The following MME variants were observed in gnomAD, a reference collection of about 807,000 sequenced individuals.
MME encodes the protein membrane metalloendopeptidase.
In MME, 98 loss-of-function variants were observed where a neutral mutation model predicts 113.2. The observed-to-expected ratio is 0.87, with a 90% CI of 0.74 to 1.02. The LOEUF (loss-of-function observed/expected upper bound fraction) is 1.02. MME is among the 50% of genes least tolerant of loss of function. MME has a pLI of 0.00. For missense variants in MME, 836 were observed against 896.0 expected, an observed-to-expected ratio of 0.93 and a Z score of 0.86; for synonymous variants, 292 against 300.6, an observed-to-expected ratio of 0.97 and a Z score of 0.30.
intron 8 of MME, among the ~76,000 whole-genome samples, chr3:155,125,125 G>C (rs1260043874): frequency 1.2e-5 from 1 of 82,258 alleles, no homozygotes; most frequent in African/African-American, 4.0e-5. Context: ...CTCGTGGTGC[G>C]CCGTTTTTAA....
chr3:155,059,419 A>G (rs994015451), intron 1 of MME, among the ~76,000 whole-genome samples: 10 of 151,754 alleles, frequency 6.6e-5, no homozygotes, highest in Admixed American at 5.9e-4. Flanking sequence ...AGAAATTTCA[A>G]TCTATTTATT....
Position 155,085,062 on chromosome 3 carries a change from G to A in MME, c.164G>A (p.Gly55Asp). Reference sequence around the variant, plus strand: ...GTATATTCTCTCCTTTTTCTAGATGGTATTTGCAAGTCATCAGACTGCATA... The same window carrying A: ...GTATATTCTCTCCTTTTTCTAGATGATATTTGCAAGTCATCAGACTGCATA... ...MIALYATYDD[G>D]ICKSSDCIKS... The change falls in exon 3 of 23, where the codon GGT becomes GAT. Residue 55 changes from glycine to aspartate, a missense_variant. Coordinates refer to ENST00000360490, the MANE Select transcript of MME (RefSeq NM_007289.4). 14 of 1,586,050 alleles carry A rather than the reference G, an allele frequency of 8.8e-6. No homozygotes were observed. Among genetic ancestry groups the A allele is most frequent in the Non-Finnish European group, 1.1e-5 (13 of 1,159,290 alleles).
intron 1 of MME, chr3:155,081,508 G>A (rs944947088): frequency 2.0e-5 from 3 of 151,918 alleles, no homozygotes; most frequent in African/African-American, 7.3e-5. Context: ...CCACTTTTCC[G>A]TTTAAACTTT....
At chr3:155,131,806 T>C (rs999245824) in intron 8 of MME, among the ~76,000 whole-genome samples, 1 of 152,158 alleles carries the variant, frequency 6.6e-6, no homozygotes, top group Non-Finnish European at 1.5e-5. Flanking sequence ...TGCAGTCTGT[T>C]GGAGGGAAGC....
intron 3 of MME, among the ~76,000 whole-genome samples, chr3:155,086,172 A>G (rs968398230): frequency 6.6e-6 from 1 of 152,150 alleles, no homozygotes; most frequent in African/African-American, 2.4e-5. Flanking sequence ...TGGTGAGAGA[A>G]GAGTACTATT....
chr3:155,099,565 T>G (rs879585808), intron 3 of MME, among the ~76,000 whole-genome samples: 3 of 152,296 alleles, frequency 2.0e-5, no homozygotes, highest in Non-Finnish European at 4.4e-5. Context: ...TCTCTGTTCT[T>G]GATGCTTAAG....
At chr3:155,044,202 A>G (rs947199506) in intron 1 of MME, among the ~76,000 whole-genome samples, 3 of 131,498 alleles carry the variant, frequency 2.3e-5, no homozygotes, top group African/African-American at 8.7e-5. Context: ...GTGCAATTTC[A>G]GGTCACTGCA....
intron 16 of MME, among the ~76,000 whole-genome samples, chr3:155,148,937 T>G (rs1721724147): frequency 6.6e-6 from 1 of 152,130 alleles, no homozygotes; most frequent in South Asian, 2.1e-4. Flanking sequence ...TGAACAAGAT[T>G]CTCAAAAACC....
At position 155,071,752 on chromosome 3, in the gene MME, T is replaced by C. The variant is rs1036954342; in HGVS notation, c.-10-12406T>C. On this transcript the variant is annotated intron_variant, in intron 1 of 22. Coordinates refer to the MME transcript ENST00000492661. ...TTGCCTGATACTGTAGGAGTCATTC[T>C]GGATTCTTTCTACTTTACTTTCAAT... 1.2e-4 allele frequency among the ~76,000 whole-genome samples: 19 copies of C among 152,252 alleles called. 1 individual carries two copies. The highest frequency in any genetic ancestry group is 6.3e-3 in the Middle Eastern group (2 of 316).
At chr3:155,108,570 T>G (rs1347622013) in intron 3 of MME, among the ~76,000 whole-genome samples, 2 of 148,974 alleles carry the variant, frequency 1.3e-5, no homozygotes, top group African/African-American at 2.5e-5. Flanking sequence ...CACTGCAGCC[T>G]GGGGGACAAG....
chr3:155,148,656 G>A lies in MME; in HGVS notation c.1601+3G>A. On this transcript the variant is annotated splice_donor_region_variant and intron_variant, in intron 16 of 22. Transcript: ENST00000360490. ...CGAGAAAAGGTGGACAAAGATGAGTGCGTATATTCTCATTTCTAATGTGAT... is the reference window on the plus strand; with the variant it reads ...CGAGAAAAGGTGGACAAAGATGAGTACGTATATTCTCATTTCTAATGTGAT... 1.3e-6 allele frequency: 2 copies of A among 1,597,880 alleles called. No individual in the cohort carries two copies. Among genetic ancestry groups the A allele is most frequent in the Admixed American group, 1.7e-5 (1 of 59,942 alleles).
chr3:155,116,853 C>A lies in MME; in HGVS notation c.536-15C>A. 2 of 1,569,904 alleles carry A rather than the reference C, an allele frequency of 1.3e-6. No homozygotes were observed. The highest frequency in any genetic ancestry group is 1.1e-5 in the South Asian group (1 of 89,970). On this transcript the variant is annotated splice_polypyrimidine_tract_variant and intron_variant, in intron 6 of 22. Coordinates refer to ENST00000360490, the MANE Select transcript of MME (RefSeq NM_007289.4). ...TAAAGCTTCTAAAGATATATTTTAT[C>A]TTTTATTGCTTTAGGTGCTTCTTGG...
intron 1 of MME, among the ~76,000 whole-genome samples, chr3:155,042,915 T>TATATATATATAC (rs1576666078): frequency 2.2e-5 from 1 of 45,384 alleles, no homozygotes; most frequent in East Asian, 6.8e-4. Context: ...TATATATATA[T>TATATATATATAC]ATATATATAT....
chr3:155,143,348 A>T lies in MME; in HGVS notation c.1189-95A>T, dbSNP rs533632383. 1.2e-5 allele frequency: 17 copies of T among 1,427,100 alleles called. No individual in the cohort carries two copies. In the African/African-American group the frequency reaches 2.4e-4, roughly 20 times the overall value. 88.4% of individuals were successfully genotyped at this position (1,427,100 alleles called of 1,614,324 possible). On this transcript the variant is annotated intron_variant, in intron 12 of 22. Transcript: ENST00000360490. ...TGTGAGGAGAAGTGATGAATATTTCAAGAACTTAGATGAGACATTTGTGAA... is the reference window on the plus strand; with the variant it reads ...TGTGAGGAGAAGTGATGAATATTTCTAGAACTTAGATGAGACATTTGTGAA...
chr3:155,091,897 G>A (rs528032218), intron 3 of MME, among the ~76,000 whole-genome samples: 4 of 152,166 alleles, frequency 2.6e-5, no homozygotes, highest in African/African-American at 4.8e-5. Flanking sequence ...ACTAGAATAC[G>A]TTCTTTCTGT....
chr3:155,117,005 T>C lies in MME; in HGVS notation c.654+19T>C. 3 of 1,277,946 alleles carry C rather than the reference T, an allele frequency of 2.3e-6. No individual in the cohort carries two copies. Among genetic ancestry groups the C allele is most frequent in the Non-Finnish European group, 3.4e-6 (3 of 875,096 alleles). 79.2% of individuals were successfully genotyped at this position (1,277,946 alleles called of 1,614,324 possible). On this transcript the variant is annotated intron_variant, in intron 7 of 22. Transcript: ENST00000360490. ...AATTCATGTAAGTTTGTGTGTCAAA[T>C]AACTAAAGTTACCTTTAAATTGTAA...
At chr3:155,170,963 A>C in intron 20 of MME, among the ~76,000 whole-genome samples, 1 of 152,122 alleles carries the variant, frequency 6.6e-6, no homozygotes. Flanking sequence ...TTTGTTCATC[A>C]TTTAGTTGTT....
rs61758175 is a variant in MME, at chr3:155,131,839, AC to A, written c.721-6262del. Among the ~76,000 whole-genome samples the A allele has an allele frequency of 7.0e-4, 107 of 152,304 alleles. No homozygotes were observed. In the South Asian group the frequency reaches 0.014, roughly 20 times the overall value. On this transcript the variant is annotated intron_variant, in intron 8 of 22. Transcript: ENST00000360490. ...AGCAGGTCTCTCTGCTAACAACTGCACACTAGCTGACATGCTGCTTAAATTG... is the reference window on the plus strand; with the variant it reads ...AGCAGGTCTCTCTGCTAACAACTGCAACTAGCTGACATGCTGCTTAAATTG...
rs1315853848 is a variant in MME at position 155,098,416 on chromosome 3, C to T, written c.196+13322C>T. ...TAAAAATACAAAAAAATTAGCTGGG[C>T]GTGGTGGTGCCCGCCTGTAGTCCCA... is the stretch of plus-strand genomic sequence containing the variant. On this transcript the variant is annotated intron_variant, in intron 3 of 22. Transcript: ENST00000360490. Among the ~76,000 whole-genome samples, 8 of 151,748 alleles carry T rather than the reference C, an allele frequency of 5.3e-5. No homozygotes were observed. The East Asian group carries it at 1.4e-3, about 26-fold the overall frequency.
Sources: gnomAD v4.1 joint callset for allele counts (sites outside exome capture counted in the v4.1 genomes callset) on GRCh38, gnomAD v4.1.1 for gene constraint, MANE v1.5 for transcripts, NCBI Gene and HGNC (gene_info 2026-07-23, HGNC 2026-07-21) for gene names.